The following ELMO3 variants were observed in gnomAD, a reference collection of about 807,000 sequenced individuals.
ELMO3 encodes engulfment and cell motility 3, also known as engulfment and cell motility protein 3.
A neutral mutation model predicts 89.0 loss-of-function variants in ELMO3; 81 were observed. That is an observed-to-expected ratio of 0.91 (90% confidence interval 0.76 to 1.09). The LOEUF (loss-of-function observed/expected upper bound fraction) is 1.09. ELMO3 is among the 50% of genes least tolerant of loss of function. The pLI, the probability that ELMO3 is intolerant of heterozygous loss-of-function variation, is 0.00. For synonymous variants in ELMO3, 406 were observed against 400.6 expected (o/e 1.01, Z -0.16); for missense variants, 959 against 972.8 (o/e 0.99, Z 0.19).
Position 67,203,105 on chromosome 16 carries a change from CT to C in ELMO3, c.1676-11del. ...CCTCTCAGCACTCTGGCCCTCTTCC[CT>C]TTCTCCACGCAGATAAGCTGTGGTT... is the stretch of plus-strand genomic sequence containing the variant. On this transcript the variant is annotated splice_polypyrimidine_tract_variant and intron_variant, in intron 16 of 19. Coordinates refer to ENST00000393997, the MANE Select transcript of ELMO3 (RefSeq NM_024712.5). The surrounding 1 kb of genome is among the most constrained non-coding windows in gnomAD (Gnocchi z 4.6). The C allele has an allele frequency of 6.2e-7, 1 of 1,601,766 alleles. No individual in the cohort carries two copies. The highest frequency in any genetic ancestry group is 1.3e-5 in the African/African-American group (1 of 74,850).
Position 67,203,433 on chromosome 16 carries a change from C to T in ELMO3, c.1863+24C>T, listed in dbSNP as rs747765782. On this transcript the variant is annotated intron_variant, in intron 18 of 19. Coordinates refer to ENST00000393997, the MANE Select transcript of ELMO3 (RefSeq NM_024712.5). The surrounding 1 kb of genome is among the most constrained non-coding windows in gnomAD (Gnocchi z 4.6). ...AGGTGAGTACAGCGGGCCAGGGGCT[C>T]CTTCCCACCCGCCCCCGCCTACCCT... 2.5e-6 allele frequency: 4 copies of T among 1,612,730 alleles called. No individual in the cohort carries two copies. The African/African-American group carries it at 4.0e-5, about 16-fold the overall frequency.
rs755469444 is a variant in ELMO3 at position 67,200,444 on chromosome 16, C to G, written c.414-7C>G. 1.2e-6 allele frequency: 2 copies of G among 1,612,058 alleles called. No individual in the cohort carries two copies. Among genetic ancestry groups the G allele is most frequent in the Non-Finnish European group, 1.7e-6 (2 of 1,178,650 alleles). ...GTCCTGCTCAGCCCCAGATGTCCCCCCTCCAGCCTAGGAGAGGTGCTGGCC... is the reference window on the plus strand; with the variant it reads ...GTCCTGCTCAGCCCCAGATGTCCCCGCTCCAGCCTAGGAGAGGTGCTGGCC... On this transcript the variant is annotated splice_polypyrimidine_tract_variant and splice_region_variant and intron_variant, in intron 5 of 19. Transcript: ENST00000393997.
At chr16:67,199,529 C>T (rs1450441223) in intron 1 of ELMO3, 24 bp from the exon 2 acceptor site, 12 of 1,599,296 alleles carry the variant, frequency 7.5e-6, no homozygotes, top group South Asian at 1.1e-5. Flanking sequence ...GCCCAGGCCG[C>T]GAGAATGACC....
Position 67,199,955 on chromosome 16 carries a change from G to A in ELMO3, c.197G>A (p.Arg66His), listed in dbSNP as rs748829804. 4 of 1,613,830 alleles carry A rather than the reference G, an allele frequency of 2.5e-6. No homozygotes were observed. The highest frequency in any genetic ancestry group is 2.2e-5 in the East Asian group (1 of 44,870). The change falls in exon 4 of 20, where the codon CGC becomes CAC. Residue 66 changes from arginine to histidine, a missense_variant. Coordinates refer to ENST00000393997, the MANE Select transcript of ELMO3 (RefSeq NM_024712.5). ...GHRRYITENNRAEIKNGSILC... is the reference protein window; with the variant it reads ...GHRRYITENNHAEIKNGSILC... ...CTTTTCTGCTGTCTTCTCCAGAACC[G>A]CGCGGAGATCAAGAATGGCAGCATC...
In ELMO3 at chr16:67,202,482, G is replaced by A. The variant is rs1279822345; in HGVS notation, c.1347G>A (p.Leu449=). The change falls in exon 14 of 20, where the codon CTG becomes CTA. Residue 449 remains leucine (L), a synonymous_variant. Coordinates refer to ENST00000393997, the MANE Select transcript of ELMO3 (RefSeq NM_024712.5). ...AGCTCTTCTGTGTGGGCATCCAGCT[G>A]TTGAATAAGACCTGGAAGGAGATGC... is the stretch of plus-strand genomic sequence containing the variant. ...FHELFCVGIQ[L]LNKTWKEMRA... 1.9e-6 allele frequency: 3 copies of A among 1,613,076 alleles called. No individual in the cohort carries two copies. The highest frequency in any genetic ancestry group is 1.1e-5 in the South Asian group (1 of 91,086).
chr16:67,201,873 T>A lies in ELMO3; in HGVS notation c.1050T>A (p.Ser350=), dbSNP rs370945478. 2 of 1,607,038 alleles carry A rather than the reference T, an allele frequency of 1.2e-6. No homozygotes were observed. The highest frequency in any genetic ancestry group is 1.7e-6 in the Non-Finnish European group (2 of 1,177,640). ...CAREFRKLGF[S]NSNPAQDLER... ...GAGAGTTCCGCAAACTGGGCTTTTC[T>A]GTGAGTATCACCCCTACCCAACTCC... The change falls in exon 11 of 20, where the codon TCT becomes TCA. Residue 350 remains serine (S), a splice_region_variant and synonymous_variant. Coordinates refer to ENST00000393997, the MANE Select transcript of ELMO3 (RefSeq NM_024712.5).
rs1451016905 is a variant in ELMO3, at chr16:67,199,579, G to A, written c.105G>A (p.Lys35=). The change falls in exon 2 of 20, where the codon AAG becomes AAA. Residue 35 remains lysine (K), a synonymous_variant. Transcript: ENST00000393997. ...DQAKPLAAVL[K]EVCDAWSLTH... ...CGAAGCCCCTGGCCGCTGTGCTGAA[G>A]GAGGTGTGCGACGCGTGAGTGCTGC... The A allele has an allele frequency of 6.2e-7, 1 of 1,609,364 alleles. No individual in the cohort carries two copies. Among genetic ancestry groups the A allele is most frequent in the South Asian group, 1.1e-5 (1 of 90,882 alleles).
In ELMO3 at chr16:67,201,878, G is replaced by A. The variant is rs201240770; in HGVS notation, c.1050+5G>A. The A allele has an allele frequency of 1.2e-4, 192 of 1,605,674 alleles. No homozygotes were observed. In the East Asian group the frequency reaches 3.3e-3, roughly 28 times the overall value. ...TTCCGCAAACTGGGCTTTTCTGTGA[G>A]TATCACCCCTACCCAACTCCCCACC... On this transcript the variant is annotated splice_donor_5th_base_variant and intron_variant, in intron 11 of 19. Transcript: ENST00000393997.
In ELMO3 at chr16:67,201,911, C is replaced by G. The variant is rs200320224; in HGVS notation, c.1050+38C>G. The G allele has an allele frequency of 3.0e-4, 476 of 1,602,228 alleles. 4 individuals carry two copies. In the African/African-American group the frequency reaches 5.1e-3, roughly 17 times the overall value. Reference sequence around the variant, plus strand: ...CCTACCCAACTCCCCACCCCTGCCTCAGCCCAGGGCTGTTGTTCCAGGCGG... The same window carrying G: ...CCTACCCAACTCCCCACCCCTGCCTGAGCCCAGGGCTGTTGTTCCAGGCGG... On this transcript the variant is annotated intron_variant, in intron 11 of 19. Coordinates refer to ENST00000393997, the MANE Select transcript of ELMO3 (RefSeq NM_024712.5).
Position 67,202,634 on chromosome 16 carries a change from A to C in ELMO3, c.1406A>C (p.Gln469Pro). The C allele has an allele frequency of 6.2e-7, 1 of 1,613,384 alleles. No homozygotes were observed. Among genetic ancestry groups the C allele is most frequent in the Non-Finnish European group, 8.5e-7 (1 of 1,179,928 alleles). Residue 469 changes from glutamine to proline, a missense_variant, in exon 15 of 20, where the codon CAG (glutamine) becomes CCG (proline). Gln to Pro is a moderately conservative substitution (Grantham distance 76). Coordinates refer to ENST00000393997, the MANE Select transcript of ELMO3 (RefSeq NM_024712.5). ...GAGCTTGGGCGGCCCCAGGTCATGC[A>C]GGTGGTGCGGGAGCAGCTGGCCCGC... ...ATQEDFDKVM[Q>P]VVREQLARTL... is the part of the protein sequence containing the mutation.
In ELMO3 at chr16:67,203,603, A is replaced by G; in HGVS notation, c.1950+20A>G. The G allele has an allele frequency of 2.5e-6, 4 of 1,613,922 alleles. No homozygotes were observed. The highest frequency in any genetic ancestry group is 3.4e-6 in the Non-Finnish European group (4 of 1,179,960). ...CGGGAGGTGAGTGTCCGCCAGGCTG[A>G]GGTCGGCAGGTGGGCAGGGGAGGCA... is the stretch of plus-strand genomic sequence containing the variant. On this transcript the variant is annotated intron_variant, in intron 19 of 19. Transcript: ENST00000393997. The surrounding 1 kb of genome is among the most constrained non-coding windows in gnomAD (Gnocchi z 4.6).
chr16:67,202,882 C>T lies in ELMO3; in HGVS notation c.1563-10C>T, dbSNP rs1027083068. On this transcript the variant is annotated splice_polypyrimidine_tract_variant and intron_variant, in intron 15 of 19. Coordinates refer to ENST00000393997, the MANE Select transcript of ELMO3 (RefSeq NM_024712.5). ...CAGGTCAGATGTGCTCAGTGACACC[C>T]CTCTATCAGGGAGCTGCGGGAGAAG... The T allele has an allele frequency of 2.5e-6, 4 of 1,613,012 alleles. No homozygotes were observed. The African/African-American group carries it at 4.0e-5, about 16-fold the overall frequency.
Position 67,203,331 on chromosome 16 carries a change from T to A in ELMO3, c.1785T>A (p.Pro595=). Residue 595 remains proline (P), a synonymous_variant, in exon 18 of 20, where the codon CCT becomes CCA. Transcript: ENST00000393997. This position sits in a 1 kb window ranked among gnomAD's most constrained non-coding sequence, Gnocchi z 4.6. The part of the protein sequence containing the change: ...PTLESLPEQL[P]VADMRALLTG... ...AGCCCAGCCTTCTTCCTGCAGTCCC[T>A]GTGGCCGACATGAGGGCACTCCTGA... The A allele has an allele frequency of 6.3e-7, 1 of 1,597,982 alleles. No homozygotes were observed. The highest frequency in any genetic ancestry group is 8.5e-7 in the Non-Finnish European group (1 of 1,174,536).
rs200053811 is a variant in ELMO3 at position 67,203,807 on chromosome 16, G to T, written c.2093G>T (p.Arg698Leu). 4 of 1,610,570 alleles carry T rather than the reference G, an allele frequency of 2.5e-6. No individual in the cohort carries two copies. In the South Asian group the frequency reaches 4.4e-5, roughly 18 times the overall value. ...CTGGAGAACGTGCCCATCCCCGAGC[G>T]GCCACCCCCTGTGCCCCCACCCCCC... is the stretch of plus-strand genomic sequence containing the variant. ...LELENVPIPE[R>L]PPPVPPPPTN... The change falls in exon 20 of 20, where the codon CGG becomes CTG. Residue 698 changes from arginine to leucine, a missense_variant. By Grantham distance (102) the Arg-to-Leu change is moderately radical. Transcript: ENST00000393997. This position sits in a 1 kb window ranked among gnomAD's most constrained non-coding sequence, Gnocchi z 4.6.
chr16:67,203,582 A>C lies in ELMO3; in HGVS notation c.1949A>C (p.Glu650Ala). Reference sequence around the variant, plus strand: ...AACTTCATTGCCCCCTCCAAGCGGGAGGTGAGTGTCCGCCAGGCTGAGGTC... The same window carrying C: ...AACTTCATTGCCCCCTCCAAGCGGGCGGTGAGTGTCCGCCAGGCTGAGGTC... The part of the protein sequence containing the change: ...YLNFIAPSKR[E>A]FYLWTDGLSA... Residue 650 changes from glutamate to alanine, a missense_variant and splice_region_variant, in exon 19 of 20, where the codon GAG (glutamate) becomes GCG (alanine). Physicochemically the swap from Glu to Ala is moderately radical, Grantham distance 107 (BLOSUM62 -1). Coordinates refer to ENST00000393997, the MANE Select transcript of ELMO3 (RefSeq NM_024712.5). This position sits in a 1 kb window ranked among gnomAD's most constrained non-coding sequence, Gnocchi z 4.6. 1.2e-6 allele frequency: 2 copies of C among 1,613,888 alleles called. No homozygotes were observed. Among genetic ancestry groups the C allele is most frequent in the Non-Finnish European group, 1.7e-6 (2 of 1,179,978 alleles).
At position 67,199,748 on chromosome 16, in the gene ELMO3, A is replaced by G; in HGVS notation, c.184A>G (p.Thr62Ala). The G allele has an allele frequency of 1.2e-6, 2 of 1,610,540 alleles. No homozygotes were observed. Among genetic ancestry groups the G allele is most frequent in the Non-Finnish European group, 8.5e-7 (1 of 1,179,474 alleles). Residue 62 changes from threonine to alanine, a missense_variant, in exon 3 of 20, where the codon ACC (threonine) becomes GCC (alanine). Transcript: ENST00000393997. The part of the protein sequence containing the change: ...QFADGHRRYI[T>A]ENNRAEIKNG... ...TGCGGATGGGCACCGGAGATACATCACCGAGAATGTGAGTCCCCTCTCCCC... is the reference window on the plus strand; with the variant it reads ...TGCGGATGGGCACCGGAGATACATCGCCGAGAATGTGAGTCCCCTCTCCCC...
intron 8 of ELMO3, 65 bp from the exon 9 acceptor site, chr16:67,201,320 G>A (rs1416325161): frequency 6.2e-7 from 1 of 1,601,614 alleles, no homozygotes. Flanking sequence ...GCCTCCCAAA[G>A]TGCTGGGATT....
chr16:67,201,458 G>GA, intron 9 of ELMO3, 23 bp downstream of exon 9: 1 of 1,613,966 alleles, frequency 6.2e-7, no homozygotes, highest in Non-Finnish European at 8.5e-7. Flanking sequence ...GGGCCAGGGG[G>GA]ACCTCTCTGC....
Position 67,203,990 on chromosome 16 carries a change from G to T in ELMO3, c.*113G>T, listed in dbSNP as rs116660338. ...AGAGATTGCTGCAGAAATAAAGTCT[G>T]CTTGGCTCTTGGGATATGTTGAGCC... On this transcript the variant is annotated 3_prime_UTR_variant, in exon 20 of 20. Transcript: ENST00000393997. The surrounding 1 kb of genome is among the most constrained non-coding windows in gnomAD (Gnocchi z 4.6). 32,396 of 1,017,950 alleles carry T rather than the reference G, an allele frequency of 0.032. 857 individuals carry two copies. Among genetic ancestry groups the T allele is most frequent in the South Asian group, 0.067 (4,010 of 59,572 alleles). The allele number at this position is 1,017,950 out of a possible 1,614,324, so 63.1% of individuals were successfully genotyped here.
Sources: gnomAD v4.1 joint callset for allele counts on GRCh38, gnomAD v4.1.1 for gene constraint, Gnocchi (gnomAD v3.1) non-coding constraint, MANE v1.5 for transcripts, NCBI Gene and HGNC (gene_info 2026-07-23, HGNC 2026-07-21) for gene names.